The following DPP6 variants were observed in gnomAD, a reference collection of about 807,000 sequenced individuals.
The protein encoded by DPP6 is dipeptidyl peptidase like 6.
DPP6 carries 69 observed loss-of-function variants against 122.6 expected under a neutral mutation model. The observed-to-expected ratio is 0.56, with a 90% confidence interval of 0.46 to 0.69. The LOEUF (loss-of-function observed/expected upper bound fraction) is 0.69. DPP6 is among the 30% of genes least tolerant of loss of function. The pLI, the probability that DPP6 is intolerant of heterozygous loss-of-function variation, is 0.00. For synonymous variants in DPP6, 418 were observed against 433.1 expected (o/e 0.97, Z 0.43); for missense variants, 928 against 1,116.9 (o/e 0.83, Z 2.41).
intron 1 of DPP6, among the ~76,000 whole-genome samples, chr7:154,099,396 A>G (rs543621916): frequency 1.3e-5 from 2 of 152,038 alleles, no homozygotes; most frequent in East Asian, 1.9e-4. Flanking sequence ...AACAAAAGCA[A>G]ATGAATCAGT....
intron 10 of DPP6, among the ~76,000 whole-genome samples, chr7:154,786,613 G>T (rs1797353858): frequency 6.6e-6 from 1 of 152,122 alleles, no homozygotes; most frequent in Admixed American, 6.5e-5. Context: ...TAAGTTTCCT[G>T]AGGCCTCTGC....
chr7:154,877,419 AC>A lies in DPP6; in HGVS notation c.2078+1320del, dbSNP rs2150660185. On this transcript the variant is annotated intron_variant, in intron 20 of 25. Coordinates refer to ENST00000377770, the MANE Select transcript of DPP6 (RefSeq NM_130797.4). This position sits in a 1 kb window ranked among gnomAD's most constrained non-coding sequence, Gnocchi z 5.2. Reference sequence around the variant, plus strand: ...CATGTGTGCGTGCACACACACACACACACACACACACACCTCTCAAATAAGG... The same window carrying A: ...CATGTGTGCGTGCACACACACACACAACACACACACACCTCTCAAATAAGG... Among the ~76,000 whole-genome samples, 1 of 152,144 alleles carries A rather than the reference AC, an allele frequency of 6.6e-6. No homozygotes were observed. The highest frequency in any genetic ancestry group is 2.1e-4 in the South Asian group (1 of 4,812).
At chr7:153,857,431 A>G in the DPP6 span, among the ~76,000 whole-genome samples, 6 of 151,678 alleles carry the variant, frequency 4.0e-5, no homozygotes, top group East Asian at 5.8e-4. Context: ...ACAACACGAA[A>G]TCTAAAATTC....
chr7:153,985,963 T>C (rs1468345844), intron 1 of DPP6, among the ~76,000 whole-genome samples: 1 of 152,246 alleles, frequency 6.6e-6, no homozygotes, highest in African/African-American at 2.4e-5. Flanking sequence ...CTCTGACTTC[T>C]AGGCGTCTGA....
the DPP6 span, among the ~76,000 whole-genome samples, chr7:153,773,310 T>TGTGTG: frequency 1.0e-5 from 1 of 98,484 alleles, no homozygotes; most frequent in Non-Finnish European, 2.0e-5. Flanking sequence ...TGTATGTGTA[T>TGTGTG]TTTATATATA....
intron 12 of DPP6, among the ~76,000 whole-genome samples, chr7:154,800,871 A>C (rs773593658): frequency 4.6e-5 from 7 of 152,236 alleles, no homozygotes; most frequent in African/African-American, 7.2e-5. Context: ...GGATTGAAAG[A>C]ATAGATTTTG....
intron 1 of DPP6, among the ~76,000 whole-genome samples, chr7:154,381,666 G>A (rs940498098): frequency 7.9e-5 from 12 of 152,082 alleles, no homozygotes; most frequent in African/African-American, 1.7e-4. Context: ...TCAGCAACAC[G>A]GAAAACATAA....
chr7:153,982,653 C>T (rs189706389), intron 1 of DPP6, among the ~76,000 whole-genome samples: 3,308 of 152,176 alleles, frequency 0.022, 117 homozygotes, highest in African/African-American at 0.075. Context: ...AGCCTTTTCG[C>T]GCTGGTTTTT....
chr7:153,879,413 G>A, the DPP6 span, among the ~76,000 whole-genome samples: 1 of 152,150 alleles, frequency 6.6e-6, no homozygotes, highest in East Asian at 1.9e-4. Flanking sequence ...ATTTTGAGAT[G>A]GAGTCTCGCT....
chr7:153,792,366 T>C, the DPP6 span, among the ~76,000 whole-genome samples: 4 of 152,246 alleles, frequency 2.6e-5, no homozygotes, highest in Non-Finnish European at 5.9e-5. Context: ...TCTGACCCAA[T>C]AACATTATTT....
At chr7:154,478,470 A>ATCATAACG (rs1262182098) in intron 3 of DPP6, among the ~76,000 whole-genome samples, 1 of 152,060 alleles carries the variant, frequency 6.6e-6, no homozygotes, top group Non-Finnish European at 1.5e-5. Context: ...TCATCATAAC[A>ATCATAACG]TCATCATCAA....
At chr7:154,872,798 G>T (rs2150641816) in intron 19 of DPP6, 105 bp downstream of exon 19, 1 of 1,535,868 alleles carries the variant, frequency 6.5e-7, no homozygotes, top group South Asian at 1.2e-5. Flanking sequence ...CAGGAGAAAT[G>T]ACATTGTTGC....
intron 1 of DPP6, among the ~76,000 whole-genome samples, chr7:154,360,253 C>T (rs1342347601): frequency 6.6e-6 from 1 of 152,090 alleles, no homozygotes; most frequent in Non-Finnish European, 1.5e-5. Flanking sequence ...AGAGCCAATC[C>T]CTGTGGGATT....
At chr7:154,036,888 C>G (rs1799562233) in intron 1 of DPP6, among the ~76,000 whole-genome samples, 1 of 152,144 alleles carries the variant, frequency 6.6e-6, no homozygotes, top group African/African-American at 2.4e-5. Flanking sequence ...AGGTGATATT[C>G]CCTGGCATCT....
chr7:154,889,432 C>CTTTT, intron 24 of DPP6, 25 bp from the exon 25 acceptor site: 16 of 1,494,236 alleles, frequency 1.1e-5, no homozygotes, highest in Admixed American at 6.9e-5. Context: ...GTCTTCCTCT[C>CTTTT]TTTTTTTTTT....
chr7:154,632,989 AT>A (rs962763709), intron 5 of DPP6, among the ~76,000 whole-genome samples: 7 of 152,174 alleles, frequency 4.6e-5, no homozygotes, highest in Non-Finnish European at 7.4e-5. Context: ...TAAAAAAATA[AT>A]TTGCTGAAAC....
the DPP6 span, among the ~76,000 whole-genome samples, chr7:153,871,083 G>T: frequency 6.6e-6 from 1 of 152,174 alleles, no homozygotes; most frequent in South Asian, 2.1e-4. Flanking sequence ...TCCCAGTTAG[G>T]CTATTCGGGG....
the DPP6 span, among the ~76,000 whole-genome samples, chr7:153,823,839 TG>T: frequency 6.6e-6 from 1 of 152,108 alleles, no homozygotes; most frequent in Non-Finnish European, 1.5e-5. Flanking sequence ...CTGTTTTCAC[TG>T]CAGTCAATTC....
In DPP6 at chr7:154,618,184, A is replaced by AG. The variant is rs1408725991; in HGVS notation, c.628-19637_628-19636insG. On this transcript the variant is annotated intron_variant, in intron 5 of 25. Transcript: ENST00000377770. The surrounding 1 kb of genome is among the most constrained non-coding windows in gnomAD (Gnocchi z 4.1). ...TATGATCCCGGAATTGTACCCTGTG[A>AG]AAAAGCATAGCTGCTTTTCTCACAG... Among the ~76,000 whole-genome samples the AG allele has an allele frequency of 2.0e-5, 3 of 152,170 alleles. No individual in the cohort carries two copies. Among genetic ancestry groups the AG allele is most frequent in the Non-Finnish European group, 2.9e-5 (2 of 68,022 alleles).
Sources: gnomAD v4.1 joint callset for allele counts (sites outside exome capture counted in the v4.1 genomes callset) on GRCh38, gnomAD v4.1.1 for gene constraint, Gnocchi (gnomAD v3.1) non-coding constraint, MANE v1.5 for transcripts, NCBI Gene and HGNC (gene_info 2026-07-23, HGNC 2026-07-21) for gene names.